The following JAZF1 variants were observed in gnomAD, a reference collection of about 807,000 sequenced individuals.
JAZF1 encodes JAZF zinc finger 1.
Under a neutral mutation model 26.4 loss-of-function variants are expected in JAZF1, and 8 were observed. The ratio of observed to expected loss-of-function variants is 0.30; its 90% CI spans 0.18 to 0.55. The LOEUF is 0.55. JAZF1 is among the 20% of genes least tolerant of loss of function. The probability of loss-of-function intolerance (pLI) is 0.94; values close to 1 mark genes in which losing one functional copy is unlikely to be tolerated. For missense variants in JAZF1, 199 were observed against 322.0 expected (o/e 0.62, Z 2.92); for synonymous variants, 126 against 122.3 (o/e 1.03, Z -0.20).
intron 2 of JAZF1, among the ~76,000 whole-genome samples, chr7:27,918,954 C>T (rs1784485205): frequency 6.6e-6 from 1 of 152,168 alleles, no homozygotes; most frequent in African/African-American, 2.4e-5. Context: ...ACACCAATAA[C>T]CTAAACATGG....
chr7:27,851,662 C>T (rs1250843780), intron 3 of JAZF1, among the ~76,000 whole-genome samples: 11 of 152,096 alleles, frequency 7.2e-5, no homozygotes. Flanking sequence ...CCACTGTACT[C>T]CGACAAGGCA....
At chr7:28,002,810 T>C (rs1782625797) in intron 1 of JAZF1, among the ~76,000 whole-genome samples, 1 of 152,126 alleles carries the variant, frequency 6.6e-6, no homozygotes. Flanking sequence ...CTTCCCAGCA[T>C]TCCTTGAGCC....
At chr7:28,133,873 C>T (rs1268556560) in intron 1 of JAZF1, among the ~76,000 whole-genome samples, 4 of 152,220 alleles carry the variant, frequency 2.6e-5, no homozygotes, top group African/African-American at 7.2e-5. Context: ...GATGGGCCTT[C>T]CCTGACCCTA....
At chr7:28,056,463 CA>C in intron 1 of JAZF1, among the ~76,000 whole-genome samples, 1 of 149,036 alleles carries the variant, frequency 6.7e-6, no homozygotes, top group African/African-American at 2.5e-5. Flanking sequence ...CACACACACA[CA>C]CACACACACA....
At chr7:27,960,707 G>T (rs1785171806) in intron 2 of JAZF1, among the ~76,000 whole-genome samples, 1 of 152,166 alleles carries the variant, frequency 6.6e-6, no homozygotes, top group Non-Finnish European at 1.5e-5. Context: ...GCCACAGGAG[G>T]GTGAAACCTG....
rs1783399849 is a variant in JAZF1 at position 28,168,324 on chromosome 7, G to A, written c.115+12139C>T. 2.8e-5 allele frequency among the ~76,000 whole-genome samples: 4 copies of A among 143,586 alleles called. No homozygotes were observed. In the South Asian group the frequency reaches 8.8e-4, roughly 31 times the overall value. 94.2% of individuals were successfully genotyped at this position (143,586 alleles called of 152,430 possible). A position where few individuals can be genotyped will look rare whatever the true frequency, so the allele number is the denominator to read the frequency against. On this transcript the variant is annotated intron_variant, in intron 1 of 4. Transcript: ENST00000283928. Reference sequence around the variant, plus strand: ...GTGAACCCAGGAGGTGGAGTTTGCAGTGAGCTGCGACGCGCCATTGCACCC... The same window carrying A: ...GTGAACCCAGGAGGTGGAGTTTGCAATGAGCTGCGACGCGCCATTGCACCC...
chr7:27,850,393 T>C (rs1312273038), intron 3 of JAZF1, among the ~76,000 whole-genome samples: 1 of 152,202 alleles, frequency 6.6e-6, no homozygotes, highest in Non-Finnish European at 1.5e-5. Flanking sequence ...CCCTGTCTCC[T>C]CCTTAACTAT....
intron 4 of JAZF1, chr7:27,833,244 T>A (rs1782742546): frequency 1.4e-5 from 3 of 218,640 alleles, no homozygotes. Flanking sequence ...CAATTTTATA[T>A]AAAATATATA....
intron 2 of JAZF1, among the ~76,000 whole-genome samples, chr7:27,943,852 G>A (rs556453777): frequency 6.6e-6 from 1 of 152,284 alleles, no homozygotes; most frequent in South Asian, 2.1e-4. Flanking sequence ...TCAACATCCT[G>A]ATGCTTCTCA....
chr7:28,088,390 T>C (rs188998674), intron 1 of JAZF1, among the ~76,000 whole-genome samples: 31 of 152,358 alleles, frequency 2.0e-4, no homozygotes, highest in African/African-American at 7.2e-4. Flanking sequence ...AATTAGGCAA[T>C]ACATTAATAA....
intron 1 of JAZF1, among the ~76,000 whole-genome samples, chr7:28,129,150 C>T (rs900490060): frequency 6.6e-6 from 1 of 151,966 alleles, no homozygotes; most frequent in African/African-American, 2.4e-5. Context: ...TACAAGAAGA[C>T]CCTCTGTGAA....
intron 2 of JAZF1, among the ~76,000 whole-genome samples, chr7:27,950,535 C>T (rs983335373): frequency 6.6e-6 from 1 of 152,292 alleles, no homozygotes; most frequent in Admixed American, 6.5e-5. Context: ...TCTAGGTAGG[C>T]GTACACTTTA....
intron 1 of JAZF1, among the ~76,000 whole-genome samples, chr7:28,145,038 T>C (rs1203300193): frequency 6.6e-6 from 1 of 152,192 alleles, no homozygotes; most frequent in East Asian, 1.9e-4. Context: ...CCAAACACGT[T>C]CAATACTGCT....
chr7:28,069,886 C>A (rs1783948721), intron 1 of JAZF1, among the ~76,000 whole-genome samples: 1 of 152,154 alleles, frequency 6.6e-6, no homozygotes, highest in Non-Finnish European at 1.5e-5. Context: ...TCCCTGTCAT[C>A]CCGGTCTGTC....
chr7:28,113,124 T>G (rs1027439087), intron 1 of JAZF1, among the ~76,000 whole-genome samples: 2 of 152,150 alleles, frequency 1.3e-5, no homozygotes, highest in Admixed American at 1.3e-4. Context: ...TTGTGCAACA[T>G]CCAGGTTCGT....
chr7:28,141,152 TCC>T (rs1237145676), intron 1 of JAZF1, among the ~76,000 whole-genome samples: 1 of 151,932 alleles, frequency 6.6e-6, no homozygotes, highest in Non-Finnish European at 1.5e-5. Context: ...TACAGTGAAA[TCC>T]CAAGCCAAAT....
At chr7:28,008,173 C>T (rs1053290776) in intron 1 of JAZF1, among the ~76,000 whole-genome samples, 1 of 152,246 alleles carries the variant, frequency 6.6e-6, no homozygotes, top group Non-Finnish European at 1.5e-5. Context: ...AACTCCCTCA[C>T]AAGCTTTAAG....
At chr7:28,077,180 T>C (rs1784065270) in intron 1 of JAZF1, among the ~76,000 whole-genome samples, 1 of 152,202 alleles carries the variant, frequency 6.6e-6, no homozygotes, top group Non-Finnish European at 1.5e-5. Flanking sequence ...ATCGGAACTA[T>C]ACAAACTGGG....
At chr7:28,179,357 G>C (rs1158632868) in intron 1 of JAZF1, among the ~76,000 whole-genome samples, 1 of 152,190 alleles carries the variant, frequency 6.6e-6, no homozygotes. Context: ...CTGCAAATCA[G>C]AGGACTTGTT....
Sources: gnomAD v4.1 joint callset for allele counts (sites outside exome capture counted in the v4.1 genomes callset) on GRCh38, gnomAD v4.1.1 for gene constraint, MANE v1.5 for transcripts, NCBI Gene and HGNC (gene_info 2026-07-23, HGNC 2026-07-21) for gene names.